Variants in ERBB4 observed in about 807,000 individuals in gnomAD.
ERBB4 encodes erb-b2 receptor tyrosine kinase 4.
In ERBB4, 42 loss-of-function variants were observed where a neutral mutation model predicts 158.0. The ratio of observed to expected loss-of-function variants is 0.27; its 90% confidence interval spans 0.21 to 0.34. The LOEUF is 0.34. Among genes scored for constraint, ERBB4 ranks in the 10% least tolerant of loss-of-function variants. ERBB4 has a pLI of 1.00. For missense variants in ERBB4, 1,333 were observed against 1,624.1 expected (o/e 0.82, Z 3.08); for synonymous variants, 583 against 558.7 (o/e 1.04, Z -0.61).
At chr2:211,526,946 C>G (rs2066365150) in intron 20 of ERBB4, among the ~76,000 whole-genome samples, 1 of 151,950 alleles carries the variant, frequency 6.6e-6, no homozygotes, top group Non-Finnish European at 1.5e-5. Flanking sequence ...CCTACAAGAT[C>G]TAGAAAATAG....
chr2:211,477,883 G>A (rs1415895521), intron 20 of ERBB4, among the ~76,000 whole-genome samples: 1 of 152,076 alleles, frequency 6.6e-6, no homozygotes, highest in Non-Finnish European at 1.5e-5. Flanking sequence ...TGACAACTAG[G>A]TAACTTTTTG....
chr2:212,320,740 T>C (rs150554063), intron 1 of ERBB4, among the ~76,000 whole-genome samples: 1,943 of 150,160 alleles, frequency 0.013, 99 homozygotes, highest in Admixed American at 0.052. Context: ...AGGGCCAGGT[T>C]TGTTGTTTTG....
At chr2:211,431,451 A>G (rs1350408023) in intron 20 of ERBB4, among the ~76,000 whole-genome samples, 1 of 152,142 alleles carries the variant, frequency 6.6e-6, no homozygotes, top group Admixed American at 6.5e-5. Flanking sequence ...ATTGACCCAC[A>G]TATTTGTAAT....
intron 2 of ERBB4, among the ~76,000 whole-genome samples, chr2:212,049,838 A>G (rs1276969999): frequency 6.6e-6 from 1 of 152,186 alleles, no homozygotes; most frequent in Non-Finnish European, 1.5e-5. Context: ...AGAAAGAACG[A>G]TTCCACCATA....
intron 1 of ERBB4, among the ~76,000 whole-genome samples, chr2:212,458,285 G>A (rs1340175567): frequency 6.6e-6 from 1 of 151,952 alleles, no homozygotes; most frequent in East Asian, 1.9e-4. Flanking sequence ...TTTTTTTAGG[G>A]GGTAGGGAAT....
intron 2 of ERBB4, among the ~76,000 whole-genome samples, chr2:211,968,088 A>C (rs72935749): frequency 0.029 from 4,399 of 152,128 alleles, 96 homozygotes; most frequent in South Asian, 0.056. Context: ...CTTACATACT[A>C]AAGTAATGTA....
rs1232460302 is a variant in ERBB4 at position 211,580,844 on chromosome 2, T to TATATA, written c.2302-18757_2302-18756insTATAT. ...ATATATTATATATATAGATTATATATTATATATATAGTATGCATATACATA... is the reference window on the plus strand; with the variant it reads ...ATATATTATATATATAGATTATATATATATATATATATATAGTATGCATATACATA... On this transcript the variant is annotated intron_variant, in intron 19 of 27. Transcript: ENST00000342788. Among the ~76,000 whole-genome samples the TATATA allele has an allele frequency of 2.6e-4, 15 of 58,712 alleles. 2 individuals are homozygous for TATATA. Among genetic ancestry groups the TATATA allele is most frequent in the Non-Finnish European group, 4.4e-4 (11 of 25,206 alleles). 38.5% of individuals were successfully genotyped at this position (58,712 alleles called of 152,430 possible). A position where few individuals can be genotyped will look rare whatever the true frequency, so the allele number is the denominator to read the frequency against.
At chr2:212,042,288 G>T (rs2077159626) in intron 2 of ERBB4, among the ~76,000 whole-genome samples, 2 of 152,018 alleles carry the variant, frequency 1.3e-5, no homozygotes. Context: ...CTTTCTACAT[G>T]CTGATCTTTT....
At chr2:212,155,649 A>C (rs1255565584) in intron 1 of ERBB4, among the ~76,000 whole-genome samples, 2 of 152,068 alleles carry the variant, frequency 1.3e-5, no homozygotes, top group African/African-American at 2.4e-5. Context: ...CGTGAGCTTG[A>C]GATGGGAAAA....
intron 3 of ERBB4, among the ~76,000 whole-genome samples, chr2:211,876,032 C>T (rs1201454004): frequency 6.6e-6 from 1 of 152,126 alleles, no homozygotes; most frequent in Non-Finnish European, 1.5e-5. Context: ...ATGTCCTCAC[C>T]ATTAAGCAAC....
intron 19 of ERBB4, among the ~76,000 whole-genome samples, chr2:211,581,230 G>A (rs1046012179): frequency 1.3e-5 from 2 of 151,700 alleles, no homozygotes; most frequent in African/African-American, 4.8e-5. Flanking sequence ...ACTTACTCAT[G>A]TAACAAAACA....
chr2:211,398,484 TCTC>T (rs1040373203), intron 25 of ERBB4, among the ~76,000 whole-genome samples: 1 of 152,078 alleles, frequency 6.6e-6, no homozygotes, highest in African/African-American at 2.4e-5. Flanking sequence ...TTCTAGCTGT[TCTC>T]CTTGATCTCA....
intron 1 of ERBB4, among the ~76,000 whole-genome samples, chr2:212,489,282 C>T (rs1351136550): frequency 6.6e-6 from 1 of 151,814 alleles, no homozygotes; most frequent in Non-Finnish European, 1.5e-5. Flanking sequence ...ACTTGCTTTT[C>T]CCTGTCAGCT....
chr2:211,500,462 T>C (rs1032575089), intron 20 of ERBB4, among the ~76,000 whole-genome samples: 1 of 152,102 alleles, frequency 6.6e-6, no homozygotes, highest in Admixed American at 6.5e-5. Context: ...TAAACTTTCA[T>C]GTATTAATAG....
At chr2:212,043,438 C>A (rs1309003073) in intron 2 of ERBB4, among the ~76,000 whole-genome samples, 1 of 152,026 alleles carries the variant, frequency 6.6e-6, no homozygotes, top group Non-Finnish European at 1.5e-5. Flanking sequence ...AAAGAGGAGG[C>A]AATACATTAT....
intron 5 of ERBB4, 109 bp downstream of exon 5, chr2:211,750,530 G>A: frequency 1.1e-6 from 1 of 918,952 alleles, no homozygotes; most frequent in Non-Finnish European, 1.8e-6. Flanking sequence ...CAACCACAAG[G>A]AGGTGATAGC....
chr2:212,455,561 T>TA (rs5838333), intron 1 of ERBB4, among the ~76,000 whole-genome samples: 74,028 of 150,058 alleles, frequency 0.49, 19,968 homozygotes, highest in African/African-American at 0.73. Context: ...TCCTTCACCT[T>TA]AAAAAAAAAA....
chr2:211,610,570 A>AT (rs1285887834), intron 19 of ERBB4, among the ~76,000 whole-genome samples: 2 of 152,110 alleles, frequency 1.3e-5, no homozygotes, highest in African/African-American at 2.4e-5. Context: ...CTGAGTGGGG[A>AT]TTTTTCCTAA....
chr2:212,467,121 A>G (rs555385095), intron 1 of ERBB4, among the ~76,000 whole-genome samples: 1 of 152,318 alleles, frequency 6.6e-6, no homozygotes, highest in East Asian at 1.9e-4. Flanking sequence ...GGTGTTGTCA[A>G]GGGCATTCAG....
Sources: gnomAD v4.1 joint callset for allele counts (sites outside exome capture counted in the v4.1 genomes callset) on GRCh38, gnomAD v4.1.1 for gene constraint, MANE v1.5 for transcripts, NCBI Gene and HGNC (gene_info 2026-07-23, HGNC 2026-07-21) for gene names.